Variants in CRYL1 observed in about 807,000 individuals in gnomAD.
CRYL1 encodes crystallin lambda 1.
Under a neutral mutation model 36.6 loss-of-function variants are expected in CRYL1, and 29 were observed. The ratio of observed to expected loss-of-function variants is 0.79; its 90% CI spans 0.59 to 1.08. The LOEUF (loss-of-function observed/expected upper bound fraction) is 1.08, where lower values mean the gene tolerates loss of function less well. CRYL1 is among the 50% of genes least tolerant of loss of function. The pLI is 0.00. For synonymous variants in CRYL1, 152 were observed against 151.5 expected (o/e 1.00, Z -0.02); for missense variants, 411 against 407.9 (o/e 1.01, Z -0.06).
At chr13:20,434,974 A>G (rs2032176519) in intron 4 of CRYL1, among the ~76,000 whole-genome samples, 1 of 151,978 alleles carries the variant, frequency 6.6e-6, no homozygotes, top group Non-Finnish European at 1.5e-5. Flanking sequence ...CCTCTATCTC[A>G]TCCTCCCAGA....
chr13:20,495,678 AT>A (rs1338692531), intron 2 of CRYL1, among the ~76,000 whole-genome samples: 2 of 152,216 alleles, frequency 1.3e-5, no homozygotes, highest in African/African-American at 4.8e-5. Flanking sequence ...GCAAAGAGAG[AT>A]TTGCACAGTC....
intron 3 of CRYL1, among the ~76,000 whole-genome samples, chr13:20,467,713 C>T (rs1046373882): frequency 6.6e-6 from 1 of 152,254 alleles, no homozygotes; most frequent in East Asian, 1.9e-4. Context: ...CCCAGCTGCT[C>T]GGGATGCTGA....
chr13:20,413,672 AATTT>A (rs2031581446), intron 5 of CRYL1, among the ~76,000 whole-genome samples: 1 of 152,246 alleles, frequency 6.6e-6, no homozygotes, highest in Non-Finnish European at 1.5e-5. Flanking sequence ...GCCTGAAAGT[AATTT>A]TATATAATAT....
intron 3 of CRYL1, among the ~76,000 whole-genome samples, chr13:20,470,452 T>C (rs1018658927): frequency 6.6e-6 from 1 of 152,214 alleles, no homozygotes; most frequent in Non-Finnish European, 1.5e-5. Flanking sequence ...CATCGTCCAA[T>C]CTTCTGAGGA....
At chr13:20,458,501 GC>G (rs2032734363) in intron 3 of CRYL1, among the ~76,000 whole-genome samples, 1 of 152,052 alleles carries the variant, frequency 6.6e-6, no homozygotes, top group Non-Finnish European at 1.5e-5. Flanking sequence ...TTTTCTAGTG[GC>G]CGCATTAAAA....
chr13:20,492,947 A>G (rs2033538753), intron 2 of CRYL1, among the ~76,000 whole-genome samples: 1 of 151,622 alleles, frequency 6.6e-6, no homozygotes, highest in African/African-American at 2.4e-5. Flanking sequence ...TCTCAGAGAA[A>G]CTCTTCCTCC....
At chr13:20,522,949 A>C in intron 1 of CRYL1, among the ~76,000 whole-genome samples, 2 of 102,882 alleles carry the variant, frequency 1.9e-5, no homozygotes, top group African/African-American at 3.7e-5. Flanking sequence ...ATGGAGTCTC[A>C]CTCTATCCCC....
chr13:20,472,945 GC>G (rs372911208), intron 3 of CRYL1: 1 of 152,388 alleles, frequency 6.6e-6, no homozygotes, highest in African/African-American at 2.4e-5. Context: ...TTTGTGAGGT[GC>G]AATCGCTTTT....
At chr13:20,521,135 AAAGAAGGAAGAAAGG>A (rs55777153) in intron 1 of CRYL1, among the ~76,000 whole-genome samples, 87,551 of 125,702 alleles carry the variant, frequency 0.7, 35,069 homozygotes, top group Non-Finnish European at 0.84. Context: ...GGAAAGAAAG[AAAGAAGGAAGAAAGG>A]AAGGAAGGAA....
At chr13:20,485,913 TTTTG>T (rs71077707) in intron 3 of CRYL1, among the ~76,000 whole-genome samples, 1 of 151,538 alleles carries the variant, frequency 6.6e-6, no homozygotes, top group Non-Finnish European at 1.5e-5. Flanking sequence ...TCTCATAATA[TTTTG>T]TTTGTTTGTT....
intron 2 of CRYL1, among the ~76,000 whole-genome samples, chr13:20,508,863 A>C (rs1261412199): frequency 3.8e-4 from 21 of 55,386 alleles, no homozygotes; most frequent in African/African-American, 1.5e-3. Context: ...AAAAAAAAAA[A>C]AAAAAAAAAA....
At chr13:20,440,726 A>C (rs531422966) in intron 3 of CRYL1, among the ~76,000 whole-genome samples, 2 of 152,322 alleles carry the variant, frequency 1.3e-5, no homozygotes, top group African/African-American at 4.8e-5. Flanking sequence ...AATTCCCAAA[A>C]GGCTTCTTGA....
chr13:20,491,290 T>TAA (rs35647358), intron 2 of CRYL1, among the ~76,000 whole-genome samples: 2,567 of 151,802 alleles, frequency 0.017, 77 homozygotes, highest in African/African-American at 0.059. Context: ...TATATCAGCT[T>TAA]AAAAAAATCT....
intron 3 of CRYL1, among the ~76,000 whole-genome samples, chr13:20,473,797 A>G (rs988064985): frequency 6.6e-6 from 1 of 152,200 alleles, no homozygotes; most frequent in African/African-American, 2.4e-5. Context: ...CTCATTTTCC[A>G]TTTCTCTTTT....
intron 5 of CRYL1, among the ~76,000 whole-genome samples, chr13:20,420,700 G>GTTTTTTT (rs5802072): frequency 0.011 from 417 of 36,450 alleles, 79 homozygotes; most frequent in African/African-American, 0.021. Context: ...TAAAATAGAG[G>GTTTTTTT]TTGTGTGTGT....
intron 2 of CRYL1, among the ~76,000 whole-genome samples, chr13:20,504,447 G>A (rs2033758459): frequency 6.6e-6 from 1 of 151,752 alleles, no homozygotes; most frequent in Non-Finnish European, 1.5e-5. Context: ...GCGATTACAG[G>A]CACCCACCAT....
intron 6 of CRYL1, among the ~76,000 whole-genome samples, chr13:20,412,622 A>T (rs994212238): frequency 2.0e-5 from 3 of 152,226 alleles, no homozygotes; most frequent in Non-Finnish European, 4.4e-5. Context: ...TTTTTGGATC[A>T]ATTAAAATCT....
intron 3 of CRYL1, among the ~76,000 whole-genome samples, chr13:20,482,331 A>T (rs1056168759): frequency 2.6e-5 from 4 of 152,090 alleles, no homozygotes; most frequent in African/African-American, 9.7e-5. Context: ...TAACTCTATA[A>T]ATCATTCCCA....
intron 3 of CRYL1, among the ~76,000 whole-genome samples, chr13:20,447,221 G>A (rs910858606): frequency 1.3e-5 from 2 of 152,170 alleles, no homozygotes; most frequent in Non-Finnish European, 2.9e-5. Flanking sequence ...GACCAACAGA[G>A]TTTCTTTGTG....
Sources: allele counts gnomAD v4.1 joint callset (sites outside exome capture counted in the v4.1 genomes callset), GRCh38; gene constraint gnomAD v4.1.1; transcripts MANE v1.5; gene names NCBI Gene and HGNC (gene_info 2026-07-23, HGNC 2026-07-21).